Variants in TMCC1 observed in about 807,000 individuals in gnomAD.
TMCC1 encodes the protein transmembrane and coiled-coil domains protein 1.
Under a neutral mutation model 52.4 loss-of-function variants are expected in TMCC1, and 15 were observed. That is an observed-to-expected ratio of 0.29 (90% CI 0.19 to 0.44). TMCC1 has a LOEUF of 0.44. TMCC1 is among the 20% of genes least tolerant of loss of function. The probability of loss-of-function intolerance (pLI) is 1.00; values close to 1 mark genes in which losing one functional copy is unlikely to be tolerated. For missense variants in TMCC1, 503 were observed against 806.0 expected (o/e 0.62, Z 4.55); for synonymous variants, 279 against 301.9 (o/e 0.92, Z 0.79).
chr3:129,854,060 A>AC (rs2060035801), intron 2 of TMCC1, among the ~76,000 whole-genome samples: 1 of 152,124 alleles, frequency 6.6e-6, no homozygotes, highest in South Asian at 2.1e-4. Context: ...CCACTCTGGT[A>AC]CCCCTTCAAG....
chr3:129,869,378 A>G (rs867826332), intron 2 of TMCC1, among the ~76,000 whole-genome samples: 3 of 152,164 alleles, frequency 2.0e-5, no homozygotes, highest in African/African-American at 4.8e-5. Context: ...ATTGATAAAC[A>G]TAAGTGTTTT....
chr3:129,845,192 ACAC>A lies in TMCC1; in HGVS notation c.-183-12369_-183-12367del, dbSNP rs1286740704. On this transcript the variant is annotated intron_variant, in intron 2 of 6. Transcript: ENST00000393238. ...AACAGAGCAAGTCCCTGTCACACTC[ACAC>A]ACACACACACACACACACACACACA... is the stretch of plus-strand genomic sequence containing the variant. Among the ~76,000 whole-genome samples, 4 of 402 alleles carry A rather than the reference ACAC, an allele frequency of 1.0e-2. No individual in the cohort carries two copies. In the Non-Finnish European group the frequency reaches 0.11, roughly 11 times the overall value. 0.3% of individuals were successfully genotyped at this position (402 alleles called of 152,430 possible). A position where few individuals can be genotyped will look rare whatever the true frequency, so the allele number is the denominator to read the frequency against.
chr3:129,859,864 T>C (rs1475592893), intron 2 of TMCC1, among the ~76,000 whole-genome samples: 4 of 152,180 alleles, frequency 2.6e-5, no homozygotes, highest in African/African-American at 4.8e-5. Context: ...AATATATGTT[T>C]AAACTTAAAA....
At chr3:129,712,407 T>C (rs1316885876) in intron 4 of TMCC1, among the ~76,000 whole-genome samples, 1 of 152,198 alleles carries the variant, frequency 6.6e-6, no homozygotes, top group East Asian at 1.9e-4. Context: ...GAGTAATGCA[T>C]GAGGAGTTAA....
chr3:129,822,395 G>A (rs893044318), intron 4 of TMCC1, among the ~76,000 whole-genome samples: 2 of 152,046 alleles, frequency 1.3e-5, no homozygotes, highest in African/African-American at 4.8e-5. Flanking sequence ...AGCCATGATT[G>A]CACCACTGCA....
chr3:129,836,381 G>C (rs899972298), intron 2 of TMCC1, among the ~76,000 whole-genome samples: 7 of 152,044 alleles, frequency 4.6e-5, no homozygotes, highest in African/African-American at 1.7e-4. Context: ...ATATGACACA[G>C]CATCCAATAA....
intron 4 of TMCC1, among the ~76,000 whole-genome samples, chr3:129,684,895 T>C (rs1310658399): frequency 1.3e-5 from 2 of 152,204 alleles, no homozygotes; most frequent in African/African-American, 2.4e-5. Flanking sequence ...ACAATTTAAT[T>C]CATTTTGCAA....
At chr3:129,706,381 T>C (rs752978015) in intron 4 of TMCC1, among the ~76,000 whole-genome samples, 11 of 151,328 alleles carry the variant, frequency 7.3e-5, no homozygotes, top group Non-Finnish European at 1.3e-4. Flanking sequence ...AATTTTTGTA[T>C]TTTTAGTAGA....
chr3:129,844,614 T>G (rs1395457468), intron 2 of TMCC1, among the ~76,000 whole-genome samples: 1 of 152,208 alleles, frequency 6.6e-6, no homozygotes, highest in Non-Finnish European at 1.5e-5. Flanking sequence ...TCACCATTCC[T>G]GAACGGTAAC....
At chr3:129,840,769 G>C (rs2059390503) in intron 2 of TMCC1, among the ~76,000 whole-genome samples, 1 of 152,148 alleles carries the variant, frequency 6.6e-6, no homozygotes, top group Admixed American at 6.5e-5. Flanking sequence ...ATGATTTTAA[G>C]TTTCCTGAGG....
chr3:129,783,292 A>G (rs1193606543), intron 4 of TMCC1, among the ~76,000 whole-genome samples: 1 of 152,230 alleles, frequency 6.6e-6, no homozygotes, highest in African/African-American at 2.4e-5. Flanking sequence ...AAATCTCATT[A>G]GGGTATTTCT....
Position 129,731,047 on chromosome 3 carries a change from TAAAAC to T in TMCC1, c.577-59788_577-59784del, listed in dbSNP as rs778397044. Among the ~76,000 whole-genome samples the T allele has an allele frequency of 3.9e-3, 593 of 152,222 alleles. 5 individuals carry two copies. Among genetic ancestry groups the T allele is most frequent in the Non-Finnish European group, 3.9e-3 (267 of 68,016 alleles). On this transcript the variant is annotated intron_variant, in intron 4 of 6. Coordinates refer to ENST00000393238, the MANE Select transcript of TMCC1 (RefSeq NM_001017395.5). ...GGAATTAAACCCGGAGAAGATCTGT[TAAAAC>T]AAAACAAGACAGCAGACCAATAGCC...
chr3:129,695,267 C>A (rs983650701), intron 4 of TMCC1, among the ~76,000 whole-genome samples: 4 of 151,944 alleles, frequency 2.6e-5, no homozygotes, highest in African/African-American at 7.3e-5. Context: ...CTATTGGACC[C>A]TTTGAAGTTA....
At chr3:129,829,068 A>G (rs2058786288) in intron 3 of TMCC1, among the ~76,000 whole-genome samples, 1 of 152,238 alleles carries the variant, frequency 6.6e-6, no homozygotes, top group Non-Finnish European at 1.5e-5. Flanking sequence ...GTAACTAGAG[A>G]TGACAGGTTT....
chr3:129,797,295 C>T (rs2056894169), intron 4 of TMCC1, among the ~76,000 whole-genome samples: 1 of 151,330 alleles, frequency 6.6e-6, no homozygotes, highest in Non-Finnish European at 1.5e-5. Flanking sequence ...CACTGCACTC[C>T]AGCCTGGGCG....
At chr3:129,698,832 A>G (rs1375184042) in intron 4 of TMCC1, among the ~76,000 whole-genome samples, 1 of 152,174 alleles carries the variant, frequency 6.6e-6, no homozygotes, top group Non-Finnish European at 1.5e-5. Context: ...AAAGCTTAAG[A>G]TATCTAGTAT....
At chr3:129,672,600 T>C (rs2088050389) in intron 4 of TMCC1, among the ~76,000 whole-genome samples, 1 of 151,914 alleles carries the variant, frequency 6.6e-6, no homozygotes, top group East Asian at 1.9e-4. Flanking sequence ...ACCCTGTCTC[T>C]AAAAATAAAA....
At chr3:129,739,760 A>T (rs950454841) in intron 4 of TMCC1, among the ~76,000 whole-genome samples, 3 of 152,126 alleles carry the variant, frequency 2.0e-5, no homozygotes, top group African/African-American at 2.4e-5. Context: ...CAGCCTAAAA[A>T]TTTTTTTCCC....
At chr3:129,783,512 T>C (rs2107730769) in intron 4 of TMCC1, among the ~76,000 whole-genome samples, 1 of 152,152 alleles carries the variant, frequency 6.6e-6, no homozygotes, top group Non-Finnish European at 1.5e-5. Context: ...ACAAAGACTT[T>C]CATCAATAAA....
Sources: gnomAD v4.1 joint callset for allele counts (sites outside exome capture counted in the v4.1 genomes callset) on GRCh38, gnomAD v4.1.1 for gene constraint, MANE v1.5 for transcripts, NCBI Gene and HGNC (gene_info 2026-07-23, HGNC 2026-07-21) for gene names.